DLGAP2: variants seen among roughly 807,000 people sequenced by gnomAD.
DLGAP2 encodes disks large-associated protein 2.
Under a neutral mutation model 100.3 loss-of-function variants are expected in DLGAP2, and 26 were observed. That is an observed-to-expected ratio of 0.26 (90% CI 0.19 to 0.36). The LOEUF is 0.36. Among genes scored for constraint, DLGAP2 ranks in the 10% least tolerant of loss-of-function variants. The pLI is 1.00. For synonymous variants in DLGAP2, 886 were observed against 630.1 expected, an observed-to-expected ratio of 1.41 and a Z score of -6.08; for missense variants, 1,858 against 1,453.2, an observed-to-expected ratio of 1.28 and a Z score of -4.53.
intron 11 of DLGAP2, among the ~76,000 whole-genome samples, chr8:1,677,774 G>C (rs751385773): frequency 6.6e-6 from 1 of 152,182 alleles, no homozygotes; most frequent in Non-Finnish European, 1.5e-5. Context: ...AAATTATCCA[G>C]ACAGAAGTGG....
At chr8:902,197 C>T (rs998910738) in intron 1 of DLGAP2, among the ~76,000 whole-genome samples, 1 of 152,194 alleles carries the variant, frequency 6.6e-6, no homozygotes. Context: ...CCTCCTCGGG[C>T]GCCCAGCCAC....
chr8:1,670,140 C>A (rs1798654331), intron 10 of DLGAP2, among the ~76,000 whole-genome samples: 1 of 152,250 alleles, frequency 6.6e-6, no homozygotes. Flanking sequence ...TCTCTTTTCT[C>A]CTCAGCCACC....
intron 3 of DLGAP2, among the ~76,000 whole-genome samples, chr8:1,280,793 C>G (rs771642384): frequency 6.6e-6 from 1 of 152,148 alleles, no homozygotes; most frequent in Non-Finnish European, 1.5e-5. Context: ...TTCGTGTTTG[C>G]AGATGTCACC....
At chr8:835,084 C>T (rs994249855) in intron 1 of DLGAP2, among the ~76,000 whole-genome samples, 3 of 152,056 alleles carry the variant, frequency 2.0e-5, no homozygotes, top group Non-Finnish European at 2.9e-5. Context: ...TTGGTGTGCA[C>T]GTGTGTTAAT....
chr8:916,705 C>A (rs1798601742), intron 2 of DLGAP2, among the ~76,000 whole-genome samples: 1 of 152,194 alleles, frequency 6.6e-6, no homozygotes, highest in Non-Finnish European at 1.5e-5. Context: ...TCAATCCAGG[C>A]TTCTCCAGTG....
At chr8:1,275,430 C>T (rs1436087480) in intron 3 of DLGAP2, among the ~76,000 whole-genome samples, 1 of 151,096 alleles carries the variant, frequency 6.6e-6, no homozygotes, top group Non-Finnish European at 1.5e-5. Flanking sequence ...TCACATTTAC[C>T]ATTAAGGCCT....
intron 3 of DLGAP2, among the ~76,000 whole-genome samples, chr8:1,335,556 G>T (rs1801254814): frequency 6.6e-6 from 1 of 152,192 alleles, no homozygotes; most frequent in Non-Finnish European, 1.5e-5. Flanking sequence ...GCTCAGAGGA[G>T]GAGGGCGATT....
chr8:1,597,662 C>G (rs1475241717), intron 6 of DLGAP2, among the ~76,000 whole-genome samples: 3 of 152,134 alleles, frequency 2.0e-5, no homozygotes, highest in African/African-American at 7.2e-5. Context: ...TGATTTGGCT[C>G]TCTGTTTGTC....
At chr8:1,336,167 G>A (rs1265600116) in intron 3 of DLGAP2, among the ~76,000 whole-genome samples, 3 of 152,254 alleles carry the variant, frequency 2.0e-5, no homozygotes, top group South Asian at 2.1e-4. Flanking sequence ...CTGTGGATTC[G>A]TTCTGAGCAT....
At chr8:1,425,526 G>C (rs962454049) in intron 3 of DLGAP2, among the ~76,000 whole-genome samples, 1 of 152,310 alleles carries the variant, frequency 6.6e-6, no homozygotes, top group East Asian at 1.9e-4. Context: ...GGACAGCTGA[G>C]TGCATCCCTG....
At chr8:750,697 C>T (rs542315944) in intron 1 of DLGAP2, among the ~76,000 whole-genome samples, 2 of 152,348 alleles carry the variant, frequency 1.3e-5, no homozygotes, top group East Asian at 3.9e-4. Context: ...TCCGCCCTCC[C>T]CTGCACAGGT....
At chr8:1,362,465 A>T (rs1344454656) in intron 3 of DLGAP2, among the ~76,000 whole-genome samples, 1 of 152,078 alleles carries the variant, frequency 6.6e-6, no homozygotes, top group Non-Finnish European at 1.5e-5. Flanking sequence ...GTCCATGTGC[A>T]GCCTCCGGCG....
intron 2 of DLGAP2, among the ~76,000 whole-genome samples, chr8:1,220,968 C>T (rs1040835743): frequency 6.6e-6 from 1 of 152,146 alleles, no homozygotes; most frequent in African/African-American, 2.4e-5. Context: ...TTTCTCCATA[C>T]ATTTACTTTG....
At chr8:1,046,698 C>A (rs1000789274) in intron 2 of DLGAP2, among the ~76,000 whole-genome samples, 1 of 152,188 alleles carries the variant, frequency 6.6e-6, no homozygotes. Context: ...TATGTAGCTG[C>A]TTTACAAATA....
At position 1,172,435 on chromosome 8, in the gene DLGAP2, T is replaced by C. The variant is rs535299362; in HGVS notation, c.74-86416T>C. Among the ~76,000 whole-genome samples the C allele has an allele frequency of 1.9e-3, 282 of 152,120 alleles. 1 individual carries two copies. The highest frequency in any genetic ancestry group is 6.3e-3 in the African/African-American group (261 of 41,548). On this transcript the variant is annotated intron_variant, in intron 2 of 14. Transcript: ENST00000637795. ...CCTGAATCTGAATGTTGGCCTGCCTTGCTAGATTGGGGAAGTTCTCCTGGA... is the reference window on the plus strand; with the variant it reads ...CCTGAATCTGAATGTTGGCCTGCCTCGCTAGATTGGGGAAGTTCTCCTGGA...
intron 6 of DLGAP2, among the ~76,000 whole-genome samples, chr8:1,590,711 G>T (rs970575884): frequency 2.6e-5 from 4 of 152,188 alleles, no homozygotes; most frequent in Non-Finnish European, 5.9e-5. Flanking sequence ...TCAAAATCTT[G>T]TTCTGTCCTA....
chr8:1,023,606 C>G (rs920950501), intron 2 of DLGAP2, among the ~76,000 whole-genome samples: 2 of 150,940 alleles, frequency 1.3e-5, no homozygotes, highest in African/African-American at 4.8e-5. Context: ...CGGCAGGCCC[C>G]GTTTGTTCCT....
chr8:1,110,611 A>G (rs1280965527), intron 2 of DLGAP2, among the ~76,000 whole-genome samples: 6 of 151,928 alleles, frequency 3.9e-5, no homozygotes. Context: ...CTGGCATGTG[A>G]GAGATCCAGC....
At chr8:789,675 G>C (rs772410591) in intron 1 of DLGAP2, among the ~76,000 whole-genome samples, 6 of 152,186 alleles carry the variant, frequency 3.9e-5, no homozygotes, top group Non-Finnish European at 8.8e-5. Flanking sequence ...CTATCACACT[G>C]TCAGCAGACA....
Sources: allele counts gnomAD v4.1 joint callset (sites outside exome capture counted in the v4.1 genomes callset), GRCh38; gene constraint gnomAD v4.1.1; transcripts MANE v1.5; gene names NCBI Gene and HGNC (gene_info 2026-07-23, HGNC 2026-07-21).